Variants in NPAS3 observed in about 807,000 individuals in gnomAD.
NPAS3 encodes the protein neuronal PAS domain protein 3, also known as neuronal PAS domain-containing protein 3.
In NPAS3, 14 loss-of-function variants were observed where a neutral mutation model predicts 73.1. The ratio of observed to expected loss-of-function variants is 0.19; its 90% CI spans 0.13 to 0.30. NPAS3 has a LOEUF of 0.30. Among genes scored for constraint, NPAS3 ranks in the 10% least tolerant of loss-of-function variants. The pLI, the probability that NPAS3 is intolerant of heterozygous loss-of-function variation, is 1.00. For synonymous variants in NPAS3, 620 were observed against 541.5 expected, an observed-to-expected ratio of 1.14 and a Z score of -2.01; for missense variants, 1,096 against 1,250.0, an observed-to-expected ratio of 0.88 and a Z score of 1.86.
intron 5 of NPAS3, among the ~76,000 whole-genome samples, chr14:33,635,727 C>T (rs185927828): frequency 1.0e-3 from 157 of 152,372 alleles, no homozygotes; most frequent in African/African-American, 2.8e-3. Context: ...CAGAAGCCCA[C>T]CTTCCCTGGA....
chr14:32,953,400 T>A (rs1451277581), intron 1 of NPAS3, among the ~76,000 whole-genome samples: 1 of 152,158 alleles, frequency 6.6e-6, no homozygotes, highest in African/African-American at 2.4e-5. Flanking sequence ...ATCTATTTCA[T>A]ACGAGGTCAC....
intron 2 of NPAS3, among the ~76,000 whole-genome samples, chr14:33,202,621 A>T (rs1453055065): frequency 6.6e-6 from 1 of 152,162 alleles, no homozygotes; most frequent in Non-Finnish European, 1.5e-5. Flanking sequence ...AAAATTTCTT[A>T]CACTGAGTAT....
chr14:33,003,832 T>G (rs1234963750), intron 1 of NPAS3, among the ~76,000 whole-genome samples: 1 of 152,212 alleles, frequency 6.6e-6, no homozygotes, highest in Non-Finnish European at 1.5e-5. Flanking sequence ...TAAGGCAGTT[T>G]GATATTCTAG....
rs545487564 is a variant in NPAS3 at position 33,520,460 on chromosome 14, G to T, written c.469-39661G>T. 2.6e-5 allele frequency among the ~76,000 whole-genome samples: 4 copies of T among 152,100 alleles called. No individual in the cohort carries two copies. The South Asian group carries it at 6.2e-4, about 24-fold the overall frequency. The stretch of plus-strand genomic sequence containing the variant: ...GAAATAAGAACACCACATTTACTGT[G>T]ATTTATCTGGGGGAAGAAAAAAAGT... On this transcript the variant is annotated intron_variant, in intron 4 of 11. Transcript: ENST00000356141.
chr14:33,588,452 C>G (rs2056945606), intron 5 of NPAS3, among the ~76,000 whole-genome samples: 1 of 152,182 alleles, frequency 6.6e-6, no homozygotes, highest in South Asian at 2.1e-4. Flanking sequence ...ACCCAAGTCC[C>G]CCTGACATAA....
chr14:33,792,801 T>C (rs2063398327), intron 9 of NPAS3, among the ~76,000 whole-genome samples: 1 of 152,204 alleles, frequency 6.6e-6, no homozygotes, highest in Non-Finnish European at 1.5e-5. Flanking sequence ...AGGTTTTTCA[T>C]TTCAGCAGAC....
chr14:32,938,272 T>G (rs1320678217), upstream of NPAS3, among the ~76,000 whole-genome samples: 1 of 152,062 alleles, frequency 6.6e-6, no homozygotes, highest in Non-Finnish European at 1.5e-5. Context: ...CGTATTGATT[T>G]CCGCTGCCCC....
intron 4 of NPAS3, among the ~76,000 whole-genome samples, chr14:33,393,007 C>G (rs971726282): frequency 3.9e-5 from 6 of 152,108 alleles, no homozygotes; most frequent in Non-Finnish European, 8.8e-5. Context: ...ACCCCCATGA[C>G]CCTCTTTTGT....
intron 9 of NPAS3, among the ~76,000 whole-genome samples, chr14:33,781,711 A>G (rs2062984557): frequency 6.6e-6 from 1 of 152,214 alleles, no homozygotes; most frequent in Non-Finnish European, 1.5e-5. Context: ...TCATCTGGTA[A>G]TATTTCTGAT....
intron 3 of NPAS3, among the ~76,000 whole-genome samples, chr14:33,246,625 A>G (rs1367962764): frequency 1.3e-5 from 2 of 151,092 alleles, no homozygotes; most frequent in Admixed American, 6.6e-5. Context: ...AAGAGTATCT[A>G]CTTTGAAGTT....
chr14:33,516,975 A>G (rs1045994935), intron 4 of NPAS3, among the ~76,000 whole-genome samples: 4 of 152,066 alleles, frequency 2.6e-5, no homozygotes, highest in Admixed American at 2.0e-4. Flanking sequence ...CCAGCATGGG[A>G]TTAGTTTACG....
chr14:33,563,537 C>CACACACAGAGAG, intron 5 of NPAS3, among the ~76,000 whole-genome samples: 3 of 119,652 alleles, frequency 2.5e-5, no homozygotes, highest in African/African-American at 3.7e-5. Context: ...CACACACACA[C>CACACACAGAGAG]AGAGAGAGAG....
intron 5 of NPAS3, among the ~76,000 whole-genome samples, chr14:33,611,921 C>T (rs879317975): frequency 6.6e-6 from 1 of 152,146 alleles, no homozygotes; most frequent in Admixed American, 6.5e-5. Context: ...TGAAATCATA[C>T]TTTTAAAAAA....
intron 4 of NPAS3, among the ~76,000 whole-genome samples, chr14:33,452,486 G>C (rs2049838057): frequency 6.6e-6 from 1 of 152,066 alleles, no homozygotes; most frequent in South Asian, 2.1e-4. Flanking sequence ...ATAAAGACAA[G>C]TCATGGCCGG....
chr14:32,986,345 T>G (rs2038098046), intron 1 of NPAS3, among the ~76,000 whole-genome samples: 1 of 152,204 alleles, frequency 6.6e-6, no homozygotes, highest in Non-Finnish European at 1.5e-5. Flanking sequence ...CTCTTTAATT[T>G]AAAATATTTT....
At chr14:33,542,780 A>G (rs1366761204) in intron 4 of NPAS3, among the ~76,000 whole-genome samples, 1 of 152,248 alleles carries the variant, frequency 6.6e-6, no homozygotes, top group Non-Finnish European at 1.5e-5. Flanking sequence ...GCGCACGCAC[A>G]TGATGGGAGG....
rs73258840 is a variant in NPAS3 at position 33,352,113 on chromosome 14, G to A, written c.386-15073G>A. ...AAGAATACACATCTTTGAGGAAGGG[G>A]AAAGGAGCTAATGTTTAGCAAATAC... On this transcript the variant is annotated intron_variant, in intron 3 of 11. Transcript: ENST00000356141. Among the ~76,000 whole-genome samples, 248 of 152,312 alleles carry A rather than the reference G, an allele frequency of 1.6e-3. 3 individuals carry two copies. Among genetic ancestry groups the A allele is most frequent in the African/African-American group, 5.8e-3 (242 of 41,572 alleles).
intron 2 of NPAS3, among the ~76,000 whole-genome samples, chr14:33,185,151 C>G (rs748964692): frequency 1.3e-5 from 2 of 152,110 alleles, no homozygotes; most frequent in Admixed American, 6.5e-5. Context: ...GGATTCTTAT[C>G]GTGAATGCTT....
chr14:33,031,393 A>C lies in NPAS3; in HGVS notation c.51-24512A>C, dbSNP rs150875191. On this transcript the variant is annotated intron_variant, in intron 1 of 11. Coordinates refer to ENST00000356141, the Ensembl canonical transcript of NPAS3. ...GGATGCCAATGTCATATGCCTAGTT[A>C]TGGCTACAGCTTAGATGTCCAGACT... 2.3e-4 allele frequency among the ~76,000 whole-genome samples: 35 copies of C among 152,314 alleles called. 1 individual carries two copies. The highest frequency in any genetic ancestry group is 4.6e-4 in the Admixed American group (7 of 15,294).
Sources: gnomAD v4.1 joint callset for allele counts (sites outside exome capture counted in the v4.1 genomes callset) on GRCh38, gnomAD v4.1.1 for gene constraint, MANE v1.5 for transcripts, NCBI Gene and HGNC (gene_info 2026-07-23, HGNC 2026-07-21) for gene names.